BTBD9: variants seen among roughly 807,000 people sequenced by gnomAD.
The protein encoded by BTBD9 is BTB/POZ domain-containing protein 9.
BTBD9 carries 49 observed loss-of-function variants against 64.3 expected under a neutral mutation model. The ratio of observed to expected loss-of-function variants is 0.76; its 90% confidence interval spans 0.61 to 0.97. The LOEUF is 0.97. BTBD9 is among the 50% of genes least tolerant of loss of function. BTBD9 has a pLI of 0.00. For missense variants in BTBD9, 598 were observed against 762.1 expected (o/e 0.78, Z 2.53); for synonymous variants, 260 against 274.7 (o/e 0.95, Z 0.53).
intron 1 of BTBD9, among the ~76,000 whole-genome samples, chr6:38,626,514 G>A (rs963981591): frequency 1.1e-4 from 17 of 152,096 alleles, no homozygotes; most frequent in Non-Finnish European, 2.1e-4. Flanking sequence ...TTTGGACCCA[G>A]AGCACCTAAT....
chr6:38,518,620 G>A (rs1773144910), intron 6 of BTBD9, among the ~76,000 whole-genome samples: 1 of 152,208 alleles, frequency 6.6e-6, no homozygotes, highest in African/African-American at 2.4e-5. Flanking sequence ...CCAGATCCTT[G>A]ACAATATCAT....
chr6:38,412,404 CAA>C (rs902298655), intron 6 of BTBD9, among the ~76,000 whole-genome samples: 3 of 152,034 alleles, frequency 2.0e-5, no homozygotes, highest in African/African-American at 7.2e-5. Context: ...CTAGATCTCT[CAA>C]AGTTTGAAAA....
chr6:38,526,940 A>C (rs1462387208), intron 6 of BTBD9, among the ~76,000 whole-genome samples: 1 of 152,140 alleles, frequency 6.6e-6, no homozygotes, highest in African/African-American at 2.4e-5. Context: ...GAAATGAGTT[A>C]AGACTTTGGG....
At chr6:38,360,223 A>T (rs1301689543) in intron 6 of BTBD9, among the ~76,000 whole-genome samples, 1 of 152,220 alleles carries the variant, frequency 6.6e-6, no homozygotes, top group African/African-American at 2.4e-5. Flanking sequence ...GGAAAATAAC[A>T]GTACCTAACT....
At chr6:38,282,998 C>A (rs559621431) in intron 8 of BTBD9, among the ~76,000 whole-genome samples, 1 of 152,318 alleles carries the variant, frequency 6.6e-6, no homozygotes, top group East Asian at 1.9e-4. Flanking sequence ...ATCCCCAGTG[C>A]CTACAATAGT....
At chr6:38,567,886 A>G (rs947212514) in intron 6 of BTBD9, among the ~76,000 whole-genome samples, 9 of 152,076 alleles carry the variant, frequency 5.9e-5, no homozygotes, top group African/African-American at 1.9e-4. Flanking sequence ...TCCTTCTAAC[A>G]CTGGCAAAAA....
chr6:38,484,099 T>G (rs886780936), intron 6 of BTBD9, among the ~76,000 whole-genome samples: 3 of 152,234 alleles, frequency 2.0e-5, no homozygotes, highest in African/African-American at 7.2e-5. Flanking sequence ...AATGGATAAA[T>G]GAAATGACGA....
chr6:38,261,588 A>T (rs1764794998), intron 8 of BTBD9, among the ~76,000 whole-genome samples: 1 of 152,212 alleles, frequency 6.6e-6, no homozygotes, highest in African/African-American at 2.4e-5. Context: ...TTTGTTAATG[A>T]CTTACAAAAT....
At chr6:38,563,846 A>G (rs13194697) in intron 6 of BTBD9, among the ~76,000 whole-genome samples, 3,216 of 141,648 alleles carry the variant, frequency 0.023, 46 homozygotes, top group Middle Eastern at 0.051. Flanking sequence ...CAGTGGCACG[A>G]TCTTGGCTCA....
At chr6:38,527,685 T>A (rs1773571332) in intron 6 of BTBD9, among the ~76,000 whole-genome samples, 2 of 151,966 alleles carry the variant, frequency 1.3e-5, no homozygotes, top group Non-Finnish European at 1.5e-5. Flanking sequence ...TTTACAGCAG[T>A]GTGAAAAGGG....
At chr6:38,428,770 T>C (rs564335806) in intron 6 of BTBD9, among the ~76,000 whole-genome samples, 63 of 150,852 alleles carry the variant, frequency 4.2e-4, no homozygotes, top group African/African-American at 1.5e-3. Context: ...TGGAGTGCAG[T>C]GGCGCGATCT....
intron 7 of BTBD9, among the ~76,000 whole-genome samples, chr6:38,321,774 T>C (rs572638710): frequency 1.3e-5 from 2 of 152,104 alleles, no homozygotes; most frequent in South Asian, 4.2e-4. Context: ...CATATTACAC[T>C]TTCTCCTGTT....
chr6:38,256,534 C>A lies in BTBD9; in HGVS notation c.1455-18G>T. On this transcript the variant is annotated intron_variant, in intron 8 of 10. Coordinates refer to ENST00000481247, the MANE Select transcript of BTBD9 (RefSeq NM_001099272.2). ...GTAGTAACCTGAACAAAGGGAAAAA[C>A]ATAAGATTGCTGTAAATGTTTTAAC... 1 of 1,541,556 alleles carries A rather than the reference C, an allele frequency of 6.5e-7. No individual in the cohort carries two copies.
At chr6:38,369,956 G>A (rs1012044550) in intron 6 of BTBD9, among the ~76,000 whole-genome samples, 1 of 151,976 alleles carries the variant, frequency 6.6e-6, no homozygotes, top group Non-Finnish European at 1.5e-5. Context: ...TGACAGAGAG[G>A]AGACTACACA....
intron 9 of BTBD9, among the ~76,000 whole-genome samples, chr6:38,193,616 G>A (rs148264433): frequency 2.4e-4 from 36 of 152,292 alleles, no homozygotes; most frequent in South Asian, 1.0e-3. Context: ...CAGCTCATCA[G>A]AATGCACTGG....
intron 7 of BTBD9, among the ~76,000 whole-genome samples, chr6:38,303,730 A>G (rs1762496202): frequency 6.6e-6 from 1 of 151,580 alleles, no homozygotes; most frequent in African/African-American, 2.4e-5. Flanking sequence ...TGGGATCAGC[A>G]CTCAGAATTC....
chr6:38,613,170 G>A (rs750836653), intron 1 of BTBD9: 14 of 152,120 alleles, frequency 9.2e-5, no homozygotes, highest in African/African-American at 3.1e-4. Context: ...AATTTCAACT[G>A]GTCCTTTCTA....
At chr6:38,380,190 T>C (rs915281573) in intron 6 of BTBD9, among the ~76,000 whole-genome samples, 6 of 152,144 alleles carry the variant, frequency 3.9e-5, no homozygotes, top group Non-Finnish European at 5.9e-5. Context: ...TTCAAGAATA[T>C]GGGTGAAATA....
At position 38,171,449 on chromosome 6, in the gene BTBD9, C is replaced by T. The variant is rs190717440; in HGVS notation, c.*3536G>A. 43 of 152,024 alleles carry T rather than the reference C, an allele frequency of 2.8e-4. No homozygotes were observed. The highest frequency in any genetic ancestry group is 9.2e-4 in the Admixed American group (14 of 15,254). The allele number at this position is 152,024 out of a possible 1,614,324, so 9.4% of individuals were successfully genotyped here. ...TCATTTAATAGGATTTAAAAAGTGA[C>T]AATTTAAAGAGCAATTGAGAAGAGT... On this transcript the variant is annotated 3_prime_UTR_variant, in exon 11 of 11. Coordinates refer to ENST00000481247, the MANE Select transcript of BTBD9 (RefSeq NM_001099272.2).
Sources: allele counts gnomAD v4.1 joint callset (sites outside exome capture counted in the v4.1 genomes callset), GRCh38; gene constraint gnomAD v4.1.1; transcripts MANE v1.5; gene names NCBI Gene and HGNC (gene_info 2026-07-23, HGNC 2026-07-21).